ZNF215: variants seen among roughly 807,000 people sequenced by gnomAD.
ZNF215 encodes the protein BWSCR2-associated zinc finger protein 2.
Under a neutral mutation model 27.2 loss-of-function variants are expected in ZNF215, and 24 were observed. The observed-to-expected ratio is 0.88, with a 90% CI of 0.64 to 1.24. The LOEUF is 1.24. ZNF215 is among the 50% of genes most tolerant of loss of function. The pLI, the probability that ZNF215 is intolerant of heterozygous loss-of-function variation, is 0.00. For missense variants in ZNF215, 675 were observed against 605.7 expected, an observed-to-expected ratio of 1.11 and a Z score of -1.20; for synonymous variants, 210 against 204.0, an observed-to-expected ratio of 1.03 and a Z score of -0.25.
chr11:6,984,753 G>GA (rs1178998703), downstream of ZNF215: 1 of 152,078 alleles, frequency 6.6e-6, no homozygotes, highest in Non-Finnish European at 1.5e-5. Context: ...ACAAAGAGGG[G>GA]AAAATTACAT....
chr11:6,971,851 GTTT>G (rs1250530210), intron 5 of ZNF215, among the ~76,000 whole-genome samples: 1 of 152,096 alleles, frequency 6.6e-6, no homozygotes, highest in Non-Finnish European at 1.5e-5. Flanking sequence ...TGATAAAGGT[GTTT>G]TTGAGTACAT....
At chr11:6,969,994 C>T (rs1349300220) in intron 5 of ZNF215, among the ~76,000 whole-genome samples, 1 of 152,116 alleles carries the variant, frequency 6.6e-6, no homozygotes, top group Non-Finnish European at 1.5e-5. Context: ...GTTGGCCAGG[C>T]TGTTCTCAAA....
chr11:6,937,337 C>A (rs1391869814), intron 3 of ZNF215, among the ~76,000 whole-genome samples: 2 of 151,864 alleles, frequency 1.3e-5, no homozygotes, highest in African/African-American at 4.8e-5. Context: ...AGGTGTAGGA[C>A]TTGTCTGCTG....
intron 5 of ZNF215, among the ~76,000 whole-genome samples, chr11:6,983,464 A>AT (rs1355925566): frequency 7.2e-5 from 11 of 152,324 alleles, no homozygotes; most frequent in Admixed American, 7.2e-4. Context: ...AAAAAAGAGA[A>AT]TTTTGAACCA....
rs141796235 is a variant in ZNF215 at position 6,943,688 on chromosome 11, C to T, written c.712+47C>T. 3.9e-3 allele frequency: 5,493 copies of T among 1,423,968 alleles called. 37 individuals carry two copies. The highest frequency in any genetic ancestry group is 0.021 in the African/African-American group (1,452 of 70,558). The allele number at this position is 1,423,968 out of a possible 1,614,324, so 88.2% of individuals were successfully genotyped here. A position where few individuals can be genotyped will look rare whatever the true frequency, so the allele number is the denominator to read the frequency against. On this transcript the variant is annotated intron_variant, in intron 6 of 6. Transcript: ENST00000278319. ...GGCCATAGTAAGAAGCTTCTGTTTC[C>T]TAAACATACAGACAATGTGCAACCC...
At chr11:6,934,080 T>C (rs1023451653) in intron 3 of ZNF215, among the ~76,000 whole-genome samples, 19 of 152,184 alleles carry the variant, frequency 1.2e-4, no homozygotes, top group African/African-American at 4.6e-4. Flanking sequence ...ACAGTGATTA[T>C]ATTGGTATTG....
chr11:6,986,752 A>G (rs1161696683), downstream of ZNF215, among the ~76,000 whole-genome samples: 9 of 152,072 alleles, frequency 5.9e-5, no homozygotes, highest in Non-Finnish European at 1.2e-4. Flanking sequence ...ATATGAAAAA[A>G]TGCTCATCAT....
At chr11:6,949,145 T>C (rs1313625398) in intron 6 of ZNF215, among the ~76,000 whole-genome samples, 6 of 151,396 alleles carry the variant, frequency 4.0e-5, no homozygotes, top group Admixed American at 6.6e-5. Context: ...ATCCAGTCTA[T>C]CATTGTTGGA....
intron 6 of ZNF215, among the ~76,000 whole-genome samples, chr11:6,954,156 C>T (rs7123195): frequency 0.02 from 2,985 of 152,140 alleles, 77 homozygotes; most frequent in African/African-American, 0.065. Context: ...TGGGGAGTGC[C>T]TGCCAGTTAG....
downstream of ZNF215, among the ~76,000 whole-genome samples, chr11:6,989,118 T>C (rs1221074306): frequency 2.4e-5 from 3 of 124,354 alleles, no homozygotes; most frequent in African/African-American, 9.8e-5. Context: ...ATCGTGCCAA[T>C]GCACTCCAGC....
At chr11:6,983,429 A>C (rs1025923780) in intron 5 of ZNF215, among the ~76,000 whole-genome samples, 4 of 152,228 alleles carry the variant, frequency 2.6e-5, no homozygotes, top group Non-Finnish European at 5.9e-5. Context: ...TCATCTTGAT[A>C]CCAAAGCCTG....
chr11:6,957,028 G>A lies in ZNF215; in HGVS notation c.*497G>A. The A allele has an allele frequency of 1.0e-6, 1 of 986,592 alleles. No individual in the cohort carries two copies. Among genetic ancestry groups the A allele is most frequent in the Non-Finnish European group, 1.2e-6 (1 of 830,760 alleles). The allele number at this position is 986,592 out of a possible 1,614,324, so 61.1% of individuals were successfully genotyped here. On this transcript the variant is annotated 3_prime_UTR_variant, in exon 7 of 7. Coordinates refer to ENST00000278319, the MANE Select transcript of ZNF215 (RefSeq NM_013250.4). The stretch of plus-strand genomic sequence containing the variant: ...CTCTGAATCAATGGCTAAGACAACA[G>A]TAACAGCCATTTACTCCACTCCTGA...
At position 6,932,120 on chromosome 11, in the gene ZNF215, T is replaced by G. The variant is rs1455309166; in HGVS notation, c.-153T>G. On this transcript the variant is annotated 5_prime_UTR_variant, in exon 3 of 7. Coordinates refer to ENST00000278319, the MANE Select transcript of ZNF215 (RefSeq NM_013250.4). ...TGCTCAGGTACCTGAATATTGGCTT[T>G]GTGTCTAAAGTTTCTGGAACTTTCC... is the stretch of plus-strand genomic sequence containing the variant. The G allele has an allele frequency of 3.4e-6, 3 of 889,106 alleles. No homozygotes were observed. In the East Asian group the frequency reaches 7.8e-5, roughly 23 times the overall value. 55.1% of individuals were successfully genotyped at this position (889,106 alleles called of 1,614,324 possible).
At position 6,942,988 on chromosome 11, in the gene ZNF215, A is replaced by G; in HGVS notation, c.484-95A>G. The G allele has an allele frequency of 2.7e-6, 4 of 1,509,208 alleles. No homozygotes were observed. The South Asian group carries it at 4.0e-5, about 15-fold the overall frequency. The allele number at this position is 1,509,208 out of a possible 1,614,324, so 93.5% of individuals were successfully genotyped here. On this transcript the variant is annotated intron_variant, in intron 4 of 6. Transcript: ENST00000278319. ...ACATTGTCCTATCAATTTCTGGTGT[A>G]TTCTGGCTCCTACCCTATTCCTTCA...
intron 6 of ZNF215, among the ~76,000 whole-genome samples, chr11:6,947,471 T>G (rs1849859268): frequency 6.6e-6 from 1 of 151,854 alleles, no homozygotes; most frequent in South Asian, 2.1e-4. Context: ...AGTTCAGGAG[T>G]TGGAGGCCGC....
At chr11:6,974,180 G>C (rs1850782158) in intron 5 of ZNF215, among the ~76,000 whole-genome samples, 1 of 152,026 alleles carries the variant, frequency 6.6e-6, no homozygotes, top group Admixed American at 6.6e-5. Context: ...GTTTTTGTCA[G>C]GTTTGTCAAA....
Position 6,979,748 on chromosome 11 carries a change from G to A in ZNF215, c.806-4381G>A, listed in dbSNP as rs114816153. Among the ~76,000 whole-genome samples, 1,150 of 152,064 alleles carry A rather than the reference G, an allele frequency of 7.6e-3. 18 individuals are homozygous for A. Among genetic ancestry groups the A allele is most frequent in the African/African-American group, 0.026 (1,077 of 41,506 alleles). On this transcript the variant is annotated intron_variant, in intron 5 of 5. Transcript: ENST00000529903. The stretch of plus-strand genomic sequence containing the variant: ...ATAAAAATTTTTGTTGCTTTTAAAT[G>A]TTATTAACAGACTAAGTCAAAATGA...
chr11:6,944,192 C>G (rs373843068), intron 6 of ZNF215, among the ~76,000 whole-genome samples: 1 of 152,032 alleles, frequency 6.6e-6, no homozygotes, highest in African/African-American at 2.4e-5. Context: ...AGGAGAATGG[C>G]GTGAACCCGG....
downstream of ZNF215, among the ~76,000 whole-genome samples, chr11:6,962,765 A>G (rs1850542237): frequency 6.6e-6 from 1 of 152,080 alleles, no homozygotes; most frequent in Admixed American, 6.6e-5. Flanking sequence ...TGGAAAATGG[A>G]CAGTAATTTT....
Sources: allele counts gnomAD v4.1 joint callset (sites outside exome capture counted in the v4.1 genomes callset), GRCh38; gene constraint gnomAD v4.1.1; transcripts MANE v1.5; gene names NCBI Gene and HGNC (gene_info 2026-07-23, HGNC 2026-07-21).